MYH10: variants seen among roughly 807,000 people sequenced by gnomAD.
MYH10 encodes the protein myosin-10.
A neutral mutation model predicts 257.8 loss-of-function variants in MYH10; 55 were observed. The observed-to-expected ratio is 0.21, with a 90% CI of 0.17 to 0.27. MYH10 has a LOEUF of 0.27. MYH10 is among the 10% of genes least tolerant of loss of function. The pLI is 1.00. For missense variants in MYH10, 1,631 were observed against 2,500.6 expected, an observed-to-expected ratio of 0.65 and a Z score of 7.42; for synonymous variants, 854 against 921.7, an observed-to-expected ratio of 0.93 and a Z score of 1.33.
intron 16 of MYH10, among the ~76,000 whole-genome samples, chr17:8,534,648 C>A (rs2082091670): frequency 6.6e-6 from 1 of 152,196 alleles, no homozygotes; most frequent in Non-Finnish European, 1.5e-5. Flanking sequence ...GGTTACTGAA[C>A]AGGTCTGGCC....
At chr17:8,482,991 C>T (rs1165293143) in intron 37 of MYH10, among the ~76,000 whole-genome samples, 5 of 152,210 alleles carry the variant, frequency 3.3e-5, no homozygotes, top group East Asian at 1.9e-4. Context: ...TAAAAACTAA[C>T]GTGTTCTAGG....
At chr17:8,482,345 G>C (rs1362559117) in intron 37 of MYH10, among the ~76,000 whole-genome samples, 1 of 152,242 alleles carries the variant, frequency 6.6e-6, no homozygotes. Flanking sequence ...TCCAGCACGT[G>C]CACCTGCCTT....
chr17:8,500,859 C>T lies in MYH10; in HGVS notation c.3711G>A (p.Glu1237=), dbSNP rs766610492. 8.7e-6 allele frequency: 14 copies of T among 1,613,850 alleles called. No individual in the cohort carries two copies. Among genetic ancestry groups the T allele is most frequent in the Non-Finnish European group, 6.8e-6 (8 of 1,180,028 alleles). Residue 1237 remains glutamate (E), a synonymous_variant, in exon 29 of 43, where the codon GAG becomes GAA. Transcript: ENST00000360416. ...CCTGTTCCAGCTGCTCTGAGAGCTC[C>T]TCCAGGGCTGTTGCGTGTCTTTGTC... The part of the protein sequence containing the change: ...DMRQRHATAL[E]ELSEQLEQAK...
intron 2 of MYH10, among the ~76,000 whole-genome samples, chr17:8,620,540 C>G (rs1030704781): frequency 1.3e-5 from 2 of 151,780 alleles, no homozygotes; most frequent in African/African-American, 2.4e-5. Flanking sequence ...AACCTGTTAG[C>G]AAGCTAATTT....
At chr17:8,495,311 T>A in intron 30 of MYH10, 70 bp from the exon 31 acceptor site, 1 of 970,600 alleles carries the variant, frequency 1.0e-6, no homozygotes, top group Non-Finnish European at 1.6e-6. Flanking sequence ...ACACAGCTTT[T>A]AAACAGAACA....
intron 7 of MYH10, among the ~76,000 whole-genome samples, chr17:8,554,740 A>C (rs1455577795): frequency 6.6e-6 from 1 of 152,246 alleles, no homozygotes; most frequent in Non-Finnish European, 1.5e-5. Context: ...TCCTGAGGTC[A>C]GGAGTTCAAG....
intron 1 of MYH10, 68 bp from the exon 2 acceptor site, chr17:8,623,345 C>G (rs2063644812): frequency 7.1e-7 from 1 of 1,401,352 alleles, no homozygotes; most frequent in African/African-American, 1.5e-5. Context: ...TTTTTCTTTT[C>G]TAAGAAACTT....
rs569246219 is a variant in MYH10, at chr17:8,508,618, T to C, written c.3150A>G (p.Glu1050=). 6.2e-7 allele frequency: 1 copy of C among 1,614,176 alleles called. No homozygotes were observed. The highest frequency in any genetic ancestry group is 2.2e-5 in the East Asian group (1 of 44,878). ...AECSSQLAEE[E]EKAKNLAKIR... is the part of the protein sequence containing the mutation. Reference sequence around the variant, plus strand: ...TTTTGGCCAAGTTTTTCGCCTTTTCTTCCTCTTCAGCCAGCTGAGAGGAAC... The same window carrying C: ...TTTTGGCCAAGTTTTTCGCCTTTTCCTCCTCTTCAGCCAGCTGAGAGGAAC... The change falls in exon 26 of 43, where the codon GAA becomes GAG. Residue 1050 remains glutamate, a synonymous_variant. Coordinates refer to ENST00000360416, the MANE Select transcript of MYH10 (RefSeq NM_001256012.3).
At chr17:8,529,943 A>G (rs2081963659) in intron 17 of MYH10, among the ~76,000 whole-genome samples, 1 of 152,220 alleles carries the variant, frequency 6.6e-6, no homozygotes, top group Non-Finnish European at 1.5e-5. Flanking sequence ...CAGATCACAA[A>G]GCCCAAACAT....
At chr17:8,505,040 G>A in intron 27 of MYH10, 134 bp from the exon 28 acceptor site, 1 of 740,154 alleles carries the variant, frequency 1.4e-6, no homozygotes. Flanking sequence ...GCCTGAGGCT[G>A]GTGCAGATGC....
At chr17:8,496,516 G>A (rs1030666013) in intron 30 of MYH10, among the ~76,000 whole-genome samples, 24 of 152,210 alleles carry the variant, frequency 1.6e-4, no homozygotes, top group African/African-American at 5.3e-4. Context: ...CAGAGGGGTT[G>A]ACTGAGGTTT....
chr17:8,509,852 T>C lies in MYH10; in HGVS notation c.3050A>G (p.Glu1017Gly). The stretch of plus-strand genomic sequence containing the variant: ...ATTTTGGTCCTCGAGAAGCAGAATC[T>C]CCTCTTCCATCTTCTTGATCTTGGC... ...AEAKIKKMEEEILLLEDQNSK... is the reference protein window; with the variant it reads ...AEAKIKKMEEGILLLEDQNSK... The change falls in exon 25 of 43, where the codon GAG becomes GGG. Residue 1017 changes from glutamate to glycine, a missense_variant. This residue lies in a region of MYH10 where 169 missense variants were observed against 249.8 expected (regional missense o/e 0.68). Transcript: ENST00000360416. 1 of 1,611,634 alleles carries C rather than the reference T, an allele frequency of 6.2e-7. No individual in the cohort carries two copies. Among genetic ancestry groups the C allele is most frequent in the South Asian group, 1.1e-5 (1 of 90,754 alleles).
chr17:8,525,933 T>C (rs1323274969), intron 17 of MYH10, among the ~76,000 whole-genome samples: 1 of 152,106 alleles, frequency 6.6e-6, no homozygotes, highest in Non-Finnish European at 1.5e-5. Flanking sequence ...GCTGGGACTA[T>C]AGGTGCCTGC....
chr17:8,577,170 C>A, intron 5 of MYH10, 66 bp downstream of exon 5: 1 of 1,338,728 alleles, frequency 7.5e-7, no homozygotes, highest in Non-Finnish European at 1.1e-6. Flanking sequence ...GACTGGCTTC[C>A]TTATTTTTGT....
rs1414523673 is a variant in MYH10 at position 8,477,061 on chromosome 17, A to C, written c.5707-13T>G. ...TGGCCTTCTCCATCTTGGGGAGGGT[A>C]CATGAACCAAAACAAACCAAACTGG... is the stretch of plus-strand genomic sequence containing the variant. On this transcript the variant is annotated splice_polypyrimidine_tract_variant and intron_variant, in intron 41 of 42. Coordinates refer to ENST00000360416, the MANE Select transcript of MYH10 (RefSeq NM_001256012.3). This position sits in a 1 kb window ranked among gnomAD's most constrained non-coding sequence, Gnocchi z 4.2. The C allele has an allele frequency of 1.2e-6, 2 of 1,613,426 alleles. No individual in the cohort carries two copies. The highest frequency in any genetic ancestry group is 1.7e-6 in the Non-Finnish European group (2 of 1,179,874).
At chr17:8,507,793 G>A (rs964193043) in intron 26 of MYH10, among the ~76,000 whole-genome samples, 3 of 152,162 alleles carry the variant, frequency 2.0e-5, no homozygotes, top group African/African-American at 7.2e-5. Context: ...CCAACATGGT[G>A]AAACCCCATC....
intron 11 of MYH10, among the ~76,000 whole-genome samples, chr17:8,547,161 T>C (rs1267003290): frequency 6.6e-6 from 1 of 152,186 alleles, no homozygotes; most frequent in African/African-American, 2.4e-5. Context: ...GCCATCCTCC[T>C]GCTTCAGCCT....
chr17:8,517,691 T>G (rs2151895400), intron 21 of MYH10, among the ~76,000 whole-genome samples: 1 of 152,342 alleles, frequency 6.6e-6, no homozygotes, highest in Middle Eastern at 3.4e-3. Flanking sequence ...AATTCTATTC[T>G]TGGCCAATTC....
intron 3 of MYH10, among the ~76,000 whole-genome samples, chr17:8,599,264 A>T (rs1243410450): frequency 2.0e-5 from 3 of 152,142 alleles, no homozygotes; most frequent in East Asian, 3.9e-4. Context: ...ACATTTGTAA[A>T]TGTGCTTTCT....
Sources: gnomAD v4.1 joint callset for allele counts (sites outside exome capture counted in the v4.1 genomes callset) on GRCh38, gnomAD v4.1.1 for gene constraint, gnomAD v4.1.1 regional missense constraint, Gnocchi (gnomAD v3.1) non-coding constraint, MANE v1.5 for transcripts, NCBI Gene and HGNC (gene_info 2026-07-23, HGNC 2026-07-21) for gene names.